MYT1L: variants seen among roughly 807,000 people sequenced by gnomAD.
MYT1L encodes myelin transcription factor 1-like protein.
Under a neutral mutation model 126.7 loss-of-function variants are expected in MYT1L, and 12 were observed. That is an observed-to-expected ratio of 0.09 (90% confidence interval 0.06 to 0.15). MYT1L has a LOEUF of 0.15. Ranked by LOEUF, MYT1L falls within the 10% of genes least tolerant of loss-of-function variation. The pLI is 1.00. For missense variants in MYT1L, 979 were observed against 1,585.2 expected (o/e 0.62, Z 6.49); for synonymous variants, 541 against 604.2 (o/e 0.90, Z 1.53).
At chr2:2,268,090 T>A (rs2095176536) in intron 2 of MYT1L, among the ~76,000 whole-genome samples, 2 of 152,168 alleles carry the variant, frequency 1.3e-5, no homozygotes, top group African/African-American at 4.8e-5. Flanking sequence ...AAGATAGAGT[T>A]TAAAACAAGG....
At chr2:2,297,237 C>T (rs181236188) in intron 1 of MYT1L, among the ~76,000 whole-genome samples, 35 of 152,352 alleles carry the variant, frequency 2.3e-4, no homozygotes, top group African/African-American at 7.7e-4. Context: ...TCGTGACCCT[C>T]GGAGGTTTTG....
At chr2:2,152,997 G>T (rs1263294083) in intron 3 of MYT1L, among the ~76,000 whole-genome samples, 2 of 152,108 alleles carry the variant, frequency 1.3e-5, no homozygotes, top group African/African-American at 4.8e-5. Context: ...TGATGCCACT[G>T]AGCTAAAAAA....
At chr2:2,213,878 C>A (rs1457603434) in intron 2 of MYT1L, among the ~76,000 whole-genome samples, 14 of 152,106 alleles carry the variant, frequency 9.2e-5, no homozygotes, top group African/African-American at 2.4e-4. Context: ...GGAGAAAAAT[C>A]AATCAATCTA....
At position 1,934,168 on chromosome 2, in the gene MYT1L, G is replaced by A. The variant is rs575619053; in HGVS notation, c.505+8814C>T. On this transcript the variant is annotated intron_variant, in intron 9 of 24. Coordinates refer to ENST00000647738, the MANE Select transcript of MYT1L (RefSeq NM_001303052.2). ...TTTTTGTATTTTTAGTAGAGACGGGGTTTCATCGTGTTAGCCAGGATGGTC... is the reference window on the plus strand; with the variant it reads ...TTTTTGTATTTTTAGTAGAGACGGGATTTCATCGTGTTAGCCAGGATGGTC... 1.2e-4 allele frequency among the ~76,000 whole-genome samples: 18 copies of A among 151,350 alleles called. 1 individual carries two copies. In the East Asian group the frequency reaches 3.3e-3, roughly 28 times the overall value.
intron 9 of MYT1L, among the ~76,000 whole-genome samples, chr2:1,935,645 C>A (rs2149213821): frequency 6.6e-6 from 1 of 152,260 alleles, no homozygotes; most frequent in South Asian, 2.1e-4. Flanking sequence ...TTAAGTGAAA[C>A]TGAGGTCCAG....
intron 1 of MYT1L, among the ~76,000 whole-genome samples, chr2:2,300,276 G>T (rs370892622): frequency 6.6e-6 from 1 of 152,196 alleles, no homozygotes; most frequent in Non-Finnish European, 1.5e-5. Flanking sequence ...TGCCTCTGGA[G>T]TTCCTTTTAC....
chr2:1,900,836 T>C (rs1279820820), intron 14 of MYT1L, among the ~76,000 whole-genome samples: 3 of 152,316 alleles, frequency 2.0e-5, no homozygotes, highest in African/African-American at 7.2e-5. Context: ...GCTCAATAGA[T>C]GCTTGTTTCT....
chr2:2,296,377 A>G (rs1333166718), intron 1 of MYT1L, among the ~76,000 whole-genome samples: 1 of 152,188 alleles, frequency 6.6e-6, no homozygotes, highest in Non-Finnish European at 1.5e-5. Flanking sequence ...TTTTTTTTTA[A>G]GAGAAAAAAT....
At position 2,066,248 on chromosome 2, in the gene MYT1L, T is replaced by C. The variant is rs916514351; in HGVS notation, c.-303-12125A>G. Among the ~76,000 whole-genome samples the C allele has an allele frequency of 9.8e-5, 15 of 152,324 alleles. No homozygotes were observed. In the South Asian group the frequency reaches 1.9e-3, roughly 19 times the overall value. On this transcript the variant is annotated intron_variant, in intron 3 of 24. Coordinates refer to ENST00000647738, the MANE Select transcript of MYT1L (RefSeq NM_001303052.2). ...CAGCACAGAGGAACGGTAATGATAA[T>C]AGAAAAGTTCATATGTCCTTGCTGG... is the stretch of plus-strand genomic sequence containing the variant.
chr2:2,119,806 T>C (rs1234800477), intron 3 of MYT1L, among the ~76,000 whole-genome samples: 8 of 152,238 alleles, frequency 5.3e-5, no homozygotes, highest in Non-Finnish European at 1.5e-5. Flanking sequence ...TTATTTCAAA[T>C]GTCCAAACTA....
At chr2:2,060,825 CCTCT>C (rs545805190) in intron 3 of MYT1L, among the ~76,000 whole-genome samples, 46 of 143,920 alleles carry the variant, frequency 3.2e-4, no homozygotes, top group South Asian at 2.5e-3. Context: ...TCTCTCTTTC[CCTCT>C]CTCTCTCTCT....
intron 9 of MYT1L, among the ~76,000 whole-genome samples, chr2:1,934,122 C>G (rs927247827): frequency 2.8e-5 from 4 of 142,144 alleles, no homozygotes; most frequent in African/African-American, 7.5e-5. Context: ...CTACAGGCAC[C>G]CGCCACCACG....
intron 18 of MYT1L, among the ~76,000 whole-genome samples, chr2:1,861,885 C>T: frequency 1.3e-5 from 2 of 152,024 alleles, no homozygotes; most frequent in African/African-American, 4.8e-5. Flanking sequence ...CTGTGTAATC[C>T]TGGATCCTCC....
At chr2:2,139,563 C>T (rs1177909406) in intron 3 of MYT1L, among the ~76,000 whole-genome samples, 5 of 151,944 alleles carry the variant, frequency 3.3e-5, no homozygotes, top group African/African-American at 7.3e-5. Flanking sequence ...CACTTGAACT[C>T]GGGAGGCGAA....
At chr2:1,988,404 A>G (rs2061216517) in intron 5 of MYT1L, among the ~76,000 whole-genome samples, 1 of 152,244 alleles carries the variant, frequency 6.6e-6, no homozygotes, top group African/African-American at 2.4e-5. Context: ...TGTAGTGGGC[A>G]GTATCCTCCG....
At chr2:2,080,600 T>C (rs144016888) in intron 3 of MYT1L, among the ~76,000 whole-genome samples, 2,091 of 152,266 alleles carry the variant, frequency 0.014, 28 homozygotes, top group South Asian at 0.045. Flanking sequence ...CAGTTTGTCA[T>C]CTGGGAAATG....
chr2:2,286,283 G>C (rs559899392), intron 1 of MYT1L, among the ~76,000 whole-genome samples: 3 of 152,148 alleles, frequency 2.0e-5, no homozygotes, highest in Non-Finnish European at 4.4e-5. Flanking sequence ...CACCCGGCCT[G>C]TTCTTCATTC....
chr2:1,977,475 G>A (rs1056365668), intron 8 of MYT1L, among the ~76,000 whole-genome samples: 2 of 152,100 alleles, frequency 1.3e-5, no homozygotes, highest in African/African-American at 2.4e-5. Flanking sequence ...ATTATATCTA[G>A]CTCACACCTC....
intron 2 of MYT1L, among the ~76,000 whole-genome samples, chr2:2,199,369 G>A (rs768803444): frequency 5.2e-4 from 79 of 152,294 alleles, no homozygotes; most frequent in Non-Finnish European, 9.6e-4. Flanking sequence ...CCTTCTTGCC[G>A]GCCACAATTT....
Sources: gnomAD v4.1 joint callset for allele counts (sites outside exome capture counted in the v4.1 genomes callset) on GRCh38, gnomAD v4.1.1 for gene constraint, MANE v1.5 for transcripts, NCBI Gene and HGNC (gene_info 2026-07-23, HGNC 2026-07-21) for gene names.